Variants in MACROD2 observed in about 807,000 individuals in gnomAD.
MACROD2 encodes the protein ADP-ribose glycohydrolase MACROD2.
In MACROD2, 36 loss-of-function variants were observed where a neutral mutation model predicts 70.4. The ratio of observed to expected loss-of-function variants is 0.51; its 90% CI spans 0.39 to 0.68. MACROD2 has a LOEUF of 0.68. Ranked by LOEUF, MACROD2 falls within the 30% of genes least tolerant of loss-of-function variation. The pLI, the probability that MACROD2 is intolerant of heterozygous loss-of-function variation, is 0.00. For synonymous variants in MACROD2, 172 were observed against 178.8 expected, an observed-to-expected ratio of 0.96 and a Z score of 0.30; for missense variants, 496 against 538.4, an observed-to-expected ratio of 0.92 and a Z score of 0.78.
At chr20:14,780,562 C>CAAAAA (rs763622429) in intron 5 of MACROD2, among the ~76,000 whole-genome samples, 1 of 124,300 alleles carries the variant, frequency 8.0e-6, no homozygotes, top group Non-Finnish European at 1.7e-5. Flanking sequence ...AACTCCGTCT[C>CAAAAA]AAAAAAAAAA....
rs202176741 is a variant in MACROD2 at position 15,876,109 on chromosome 20, A to ATGTATG, written c.728-9654_728-9653insGTATGT. On this transcript the variant is annotated intron_variant, in intron 9 of 17. Coordinates refer to ENST00000684519, the MANE Select transcript of MACROD2 (RefSeq NM_001351661.2). ...ATGTCTTTTATATATATATATATAT[A>ATGTATG]TATGTGTGTATTTTTTTTATTACAC... is the stretch of plus-strand genomic sequence containing the variant. Among the ~76,000 whole-genome samples, 1,599 of 124,434 alleles carry ATGTATG rather than the reference A, an allele frequency of 0.013. 121 individuals carry two copies. In the East Asian group the frequency reaches 0.18, roughly 14 times the overall value. 81.6% of individuals were successfully genotyped at this position (124,434 alleles called of 152,430 possible). A position where few individuals can be genotyped will look rare whatever the true frequency, so the allele number is the denominator to read the frequency against.
At chr20:15,526,059 T>C (rs2047717676) in intron 8 of MACROD2, among the ~76,000 whole-genome samples, 1 of 152,066 alleles carries the variant, frequency 6.6e-6, no homozygotes, top group Non-Finnish European at 1.5e-5. Context: ...AAAGAGAAAA[T>C]AGATTTTTCT....
intron 5 of MACROD2, among the ~76,000 whole-genome samples, chr20:15,152,160 G>C (rs185789656): frequency 6.6e-6 from 1 of 151,930 alleles, no homozygotes; most frequent in Non-Finnish European, 1.5e-5. Context: ...GCCGTTTTCC[G>C]GCTATTTGGA....
chr20:14,414,213 A>G (rs2083779116), intron 3 of MACROD2, among the ~76,000 whole-genome samples: 1 of 152,152 alleles, frequency 6.6e-6, no homozygotes, highest in Admixed American at 6.5e-5. Context: ...ACAAGTCCCA[A>G]ACAAATCTTC....
chr20:14,209,723 A>G (rs2081555482), intron 3 of MACROD2, among the ~76,000 whole-genome samples: 1 of 152,172 alleles, frequency 6.6e-6, no homozygotes, highest in African/African-American at 2.4e-5. Flanking sequence ...CGAGCCAGAC[A>G]TAAGAGGAAT....
At chr20:15,492,359 A>G (rs1371380970) in intron 7 of MACROD2, among the ~76,000 whole-genome samples, 4 of 151,768 alleles carry the variant, frequency 2.6e-5, no homozygotes, top group African/African-American at 9.7e-5. Context: ...CTCCATCTAC[A>G]CCCTCCAATC....
chr20:15,739,474 C>CA (rs898666106), intron 8 of MACROD2, among the ~76,000 whole-genome samples: 4 of 152,010 alleles, frequency 2.6e-5, no homozygotes, highest in East Asian at 3.9e-4. Context: ...CATGAAGATG[C>CA]AAAAAATGAG....
intron 4 of MACROD2, among the ~76,000 whole-genome samples, chr20:14,615,715 T>C (rs6042821): frequency 0.011 from 1,721 of 152,188 alleles, 28 homozygotes; most frequent in African/African-American, 0.039. Flanking sequence ...AAGATTAGCC[T>C]GGTAGCAATA....
rs557588497 is a variant in MACROD2 at position 14,488,017 on chromosome 20, A to G, written c.272-5462A>G. 6.6e-5 allele frequency among the ~76,000 whole-genome samples: 10 copies of G among 152,320 alleles called. No homozygotes were observed. The South Asian group carries it at 2.1e-3, about 32-fold the overall frequency. ...AAAGGTGCTTTCTGGTTTTATTGAA[A>G]CAAATCAGCCAGCTCCCCCAAAAAT... On this transcript the variant is annotated intron_variant, in intron 3 of 17. Coordinates refer to ENST00000684519, the MANE Select transcript of MACROD2 (RefSeq NM_001351661.2).
intron 3 of MACROD2, among the ~76,000 whole-genome samples, chr20:14,370,506 A>G (rs1488496561): frequency 2.0e-5 from 3 of 152,126 alleles, no homozygotes; most frequent in Non-Finnish European, 2.9e-5. Flanking sequence ...TTTGTATACC[A>G]GTGAGAGGAA....
At chr20:15,208,108 C>G (rs983327566) in intron 5 of MACROD2, among the ~76,000 whole-genome samples, 1 of 152,010 alleles carries the variant, frequency 6.6e-6, no homozygotes, top group African/African-American at 2.4e-5. Context: ...TTTGTTTAGC[C>G]TATTTTCTAT....
chr20:14,192,896 G>A (rs941755876), intron 3 of MACROD2, among the ~76,000 whole-genome samples: 1 of 152,168 alleles, frequency 6.6e-6, no homozygotes, highest in African/African-American at 2.4e-5. Context: ...ATGATCCTTG[G>A]TGGCTCATCT....
At chr20:15,014,902 C>T (rs1034168379) in intron 5 of MACROD2, among the ~76,000 whole-genome samples, 2 of 151,908 alleles carry the variant, frequency 1.3e-5, no homozygotes, top group African/African-American at 4.8e-5. Context: ...ATGCGATCCC[C>T]CCTTATACAA....
chr20:15,272,440 G>A (rs752111267), intron 6 of MACROD2, among the ~76,000 whole-genome samples: 2 of 152,176 alleles, frequency 1.3e-5, no homozygotes, highest in Non-Finnish European at 2.9e-5. Context: ...AAAGATACAT[G>A]TAGGGAAATA....
At chr20:14,022,689 G>A (rs1392707694) in intron 2 of MACROD2, among the ~76,000 whole-genome samples, 1 of 152,080 alleles carries the variant, frequency 6.6e-6, no homozygotes, top group Non-Finnish European at 1.5e-5. Context: ...GTGAGAACAT[G>A]TGGTGGTTGG....
chr20:14,540,207 G>T (rs1568661000), intron 4 of MACROD2, among the ~76,000 whole-genome samples: 1 of 152,140 alleles, frequency 6.6e-6, no homozygotes, highest in Non-Finnish European at 1.5e-5. Context: ...TGTTGCCCTT[G>T]TTTGCATTCA....
intron 4 of MACROD2, among the ~76,000 whole-genome samples, chr20:14,598,521 G>A (rs1982285561): frequency 1.3e-5 from 2 of 151,934 alleles, no homozygotes; most frequent in Admixed American, 6.6e-5. Context: ...TTTATGCCCC[G>A]TGCATAAGTA....
At chr20:14,399,611 G>A (rs973355582) in intron 3 of MACROD2, among the ~76,000 whole-genome samples, 1 of 152,114 alleles carries the variant, frequency 6.6e-6, no homozygotes, top group African/African-American at 2.4e-5. Context: ...TAGTTGTCAT[G>A]AAATTTGAAC....
chr20:14,709,491 A>G (rs776949731), intron 5 of MACROD2, among the ~76,000 whole-genome samples: 9 of 152,198 alleles, frequency 5.9e-5, no homozygotes, highest in African/African-American at 9.7e-5. Context: ...TCCAGTATAT[A>G]TCCTGATCCA....
Sources: gnomAD v4.1 joint callset for allele counts (sites outside exome capture counted in the v4.1 genomes callset) on GRCh38, gnomAD v4.1.1 for gene constraint, MANE v1.5 for transcripts, NCBI Gene and HGNC (gene_info 2026-07-23, HGNC 2026-07-21) for gene names.